The following DLG2 variants were observed in gnomAD, a reference collection of about 807,000 sequenced individuals.
The protein encoded by DLG2 is discs large MAGUK scaffold protein 2.
Under a neutral mutation model 132.5 loss-of-function variants are expected in DLG2, and 45 were observed. That is an observed-to-expected ratio of 0.34 (90% CI 0.27 to 0.44). The LOEUF (loss-of-function observed/expected upper bound fraction) is 0.44. Ranked by LOEUF, DLG2 falls within the 20% of genes least tolerant of loss-of-function variation. DLG2 has a pLI of 1.00. For missense variants in DLG2, 1,045 were observed against 1,196.9 expected, an observed-to-expected ratio of 0.87 and a Z score of 1.87; for synonymous variants, 424 against 419.6, an observed-to-expected ratio of 1.01 and a Z score of -0.13.
chr11:84,107,960 C>T (rs562646301), intron 9 of DLG2, among the ~76,000 whole-genome samples: 2 of 152,256 alleles, frequency 1.3e-5, no homozygotes, highest in East Asian at 3.9e-4. Context: ...ATGGGATTTT[C>T]TCCCACAGAG....
intron 19 of DLG2, among the ~76,000 whole-genome samples, chr11:83,614,821 C>T (rs150944995): frequency 6.6e-6 from 1 of 152,284 alleles, no homozygotes; most frequent in African/African-American, 2.4e-5. Flanking sequence ...TCCTTAGAAC[C>T]ACAGACTGAT....
chr11:85,332,077 C>T (rs955189480), intron 3 of DLG2, among the ~76,000 whole-genome samples: 5 of 152,176 alleles, frequency 3.3e-5, no homozygotes, highest in African/African-American at 1.2e-4. Context: ...TTTATACTCA[C>T]ACCAACAATC....
intron 3 of DLG2, among the ~76,000 whole-genome samples, chr11:85,444,216 T>A (rs2091909170): frequency 6.6e-6 from 1 of 152,000 alleles, no homozygotes; most frequent in Non-Finnish European, 1.5e-5. Flanking sequence ...ACAACAGAAA[T>A]GAAACATAAT....
At chr11:84,284,030 C>T (rs2097881939) in intron 7 of DLG2, among the ~76,000 whole-genome samples, 1 of 152,006 alleles carries the variant, frequency 6.6e-6, no homozygotes, top group Non-Finnish European at 1.5e-5. Flanking sequence ...CACCTGAGGT[C>T]CAAAACCAGC....
At position 83,515,305 on chromosome 11, in the gene DLG2, C is replaced by T. The variant is rs915997609; in HGVS notation, c.2193+17403G>A. Among the ~76,000 whole-genome samples the T allele has an allele frequency of 1.2e-3, 185 of 152,046 alleles. 1 individual carries two copies. The highest frequency in any genetic ancestry group is 2.2e-3 in the Non-Finnish European group (152 of 67,956). Reference sequence around the variant, plus strand: ...ATCCATTTCTTCTAGATTTTCTAGTCTATTTGCGTAGAGGTGTTTATAGTA... The same window carrying T: ...ATCCATTTCTTCTAGATTTTCTAGTTTATTTGCGTAGAGGTGTTTATAGTA... On this transcript the variant is annotated intron_variant, in intron 21 of 27. Transcript: ENST00000376104.
chr11:85,180,302 A>G (rs1332462642), intron 4 of DLG2, among the ~76,000 whole-genome samples: 1 of 151,834 alleles, frequency 6.6e-6, no homozygotes, highest in Non-Finnish European at 1.5e-5. Context: ...TGTTCTTTAT[A>G]TATTTCTGTA....
rs1050740870 is a variant in DLG2 at position 84,703,615 on chromosome 11, G to A, written c.358-168884C>T. On this transcript the variant is annotated intron_variant, in intron 6 of 27. Coordinates refer to ENST00000376104, the MANE Select transcript of DLG2 (RefSeq NM_001142699.3). ...TAGTTTTCTCAAAACATTAGCATAC[G>A]ATTAGTTACTTGGGTCTCAAGAGCT... Among the ~76,000 whole-genome samples, 7 of 151,320 alleles carry A rather than the reference G, an allele frequency of 4.6e-5. No homozygotes were observed. The South Asian group carries it at 1.3e-3, about 27-fold the overall frequency.
intron 11 of DLG2, among the ~76,000 whole-genome samples, chr11:84,058,119 A>G (rs2096533359): frequency 6.6e-6 from 1 of 152,162 alleles, no homozygotes; most frequent in Non-Finnish European, 1.5e-5. Context: ...ACCACCCACT[A>G]CTGCCTCCTA....
At chr11:84,328,892 T>G (rs1246165938) in intron 7 of DLG2, among the ~76,000 whole-genome samples, 1 of 152,236 alleles carries the variant, frequency 6.6e-6, no homozygotes, top group Non-Finnish European at 1.5e-5. Context: ...ATCATTTTGC[T>G]TTTGTATTTA....
At chr11:84,154,851 G>C (rs1234160502) in intron 9 of DLG2, among the ~76,000 whole-genome samples, 2 of 152,166 alleles carry the variant, frequency 1.3e-5, no homozygotes, top group Non-Finnish European at 2.9e-5. Flanking sequence ...TGGCTGCATA[G>C]TATTCCATGG....
intron 2 of DLG2, among the ~76,000 whole-genome samples, chr11:85,600,859 G>C (rs2080104449): frequency 6.6e-6 from 1 of 152,026 alleles, no homozygotes; most frequent in African/African-American, 2.4e-5. Flanking sequence ...CTTTTAACTT[G>C]CGCTTAAATT....
intron 6 of DLG2, among the ~76,000 whole-genome samples, chr11:85,090,579 G>A (rs1352669500): frequency 2.6e-5 from 4 of 152,036 alleles, no homozygotes; most frequent in Non-Finnish European, 4.4e-5. Flanking sequence ...CATCTTCTGG[G>A]GAAACATTTC....
chr11:84,330,305 T>C (rs1263011354), intron 7 of DLG2, among the ~76,000 whole-genome samples: 1 of 152,208 alleles, frequency 6.6e-6, no homozygotes, highest in Non-Finnish European at 1.5e-5. Flanking sequence ...GGCTTTCTGC[T>C]TCTGGGCTAG....
At chr11:84,262,398 T>C (rs1235379859) in intron 7 of DLG2, among the ~76,000 whole-genome samples, 1 of 152,216 alleles carries the variant, frequency 6.6e-6, no homozygotes, top group East Asian at 1.9e-4. Context: ...AAATGACATC[T>C]ACAGCATTTC....
intron 3 of DLG2, among the ~76,000 whole-genome samples, chr11:85,382,171 T>A (rs2085947699): frequency 6.6e-6 from 1 of 152,056 alleles, no homozygotes; most frequent in Non-Finnish European, 1.5e-5. Flanking sequence ...ATAATAAAAG[T>A]CACACAGATT....
intron 6 of DLG2, among the ~76,000 whole-genome samples, chr11:85,082,731 CTTTCTTT>C (rs2067399047): frequency 8.2e-6 from 1 of 121,238 alleles, no homozygotes; most frequent in Non-Finnish European, 1.8e-5. Context: ...TTTTTCTTTT[CTTTCTTT>C]TTTTTTTTTT....
intron 14 of DLG2, among the ~76,000 whole-genome samples, chr11:83,949,893 A>G (rs2084959637): frequency 6.6e-6 from 1 of 152,230 alleles, no homozygotes; most frequent in Non-Finnish European, 1.5e-5. Flanking sequence ...AGGGCCTTCA[A>G]TAATGGACCT....
intron 6 of DLG2, among the ~76,000 whole-genome samples, chr11:84,621,925 G>GCA (rs1462328912): frequency 1.9e-4 from 29 of 152,268 alleles, no homozygotes; most frequent in African/African-American, 7.0e-4. Context: ...CCAGGACAAA[G>GCA]CACAGGTAAC....
At chr11:85,293,969 T>C (rs1450670270) in intron 3 of DLG2, among the ~76,000 whole-genome samples, 3 of 152,108 alleles carry the variant, frequency 2.0e-5, no homozygotes, top group African/African-American at 7.2e-5. Context: ...AAGCTGGGCA[T>C]GGTGGCTAAT....
Sources: allele counts gnomAD v4.1 joint callset (sites outside exome capture counted in the v4.1 genomes callset), GRCh38; gene constraint gnomAD v4.1.1; transcripts MANE v1.5; gene names NCBI Gene and HGNC (gene_info 2026-07-23, HGNC 2026-07-21).